UBE2F: variants seen among roughly 807,000 people sequenced by gnomAD.
The protein encoded by UBE2F is ubiquitin conjugating enzyme E2 F (putative), also known as NEDD8-conjugating enzyme UBE2F.
In UBE2F, 5 loss-of-function variants were observed where a neutral mutation model predicts 29.6. That is an observed-to-expected ratio of 0.17 (90% confidence interval 0.09 to 0.36). The LOEUF (loss-of-function observed/expected upper bound fraction) is 0.36. Among genes scored for constraint, UBE2F ranks in the 10% least tolerant of loss-of-function variants. UBE2F has a pLI of 1.00. For synonymous variants in UBE2F, 66 were observed against 81.8 expected (o/e 0.81, Z 1.04); for missense variants, 141 against 228.5 (o/e 0.62, Z 2.47).
At chr2:238,001,351 G>A (rs1179104404) in intron 4 of UBE2F, among the ~76,000 whole-genome samples, 2 of 152,100 alleles carry the variant, frequency 1.3e-5, no homozygotes, top group Middle Eastern at 3.4e-3. Flanking sequence ...TTATTAAGTT[G>A]TAAGCTTTCC....
chr2:237,986,207 T>A (rs2063479967), intron 2 of UBE2F: 1 of 376,682 alleles, frequency 2.7e-6, no homozygotes, highest in African/African-American at 2.2e-5. Context: ...TAGAGCGCAG[T>A]GGTGTGGTCC....
rs575132638 is a variant in UBE2F at position 237,967,038 on chromosome 2, C to G, written c.-111C>G. ...CACTTCCGGTCCCGCCGCCGGGAGC[C>G]GGTGCGGCTGTGAGGGGCCGCGTCT... On this transcript the variant is annotated 5_prime_UTR_variant, in exon 1 of 10. Coordinates refer to ENST00000272930, the MANE Select transcript of UBE2F (RefSeq NM_080678.3). The surrounding 1 kb of genome is among the most constrained non-coding windows in gnomAD (Gnocchi z 6.3). 5 of 1,287,316 alleles carry G rather than the reference C, an allele frequency of 3.9e-6. No individual in the cohort carries two copies. In the Admixed American group the frequency reaches 1.2e-4, roughly 32 times the overall value. 79.7% of individuals were successfully genotyped at this position (1,287,316 alleles called of 1,614,324 possible).
chr2:237,997,205 C>T (rs549629065), intron 4 of UBE2F, among the ~76,000 whole-genome samples: 32 of 151,828 alleles, frequency 2.1e-4, no homozygotes, highest in African/African-American at 7.3e-4. Context: ...CCAGCCTGAG[C>T]GACAGAGCTG....
chr2:238,004,470 G>A (rs1341466272), intron 4 of UBE2F, among the ~76,000 whole-genome samples: 2 of 151,878 alleles, frequency 1.3e-5, no homozygotes, highest in Non-Finnish European at 2.9e-5. Context: ...TTTATCAGAT[G>A]TGTTTTATAA....
At chr2:237,987,833 A>G in intron 2 of UBE2F, 130 bp from the exon 3 acceptor site, 1 of 586,476 alleles carries the variant, frequency 1.7e-6, no homozygotes, top group Non-Finnish European at 3.0e-6. Flanking sequence ...ACTTTAGACC[A>G]GGTTTTATTC....
At chr2:237,976,678 G>T (rs1402881412) in intron 2 of UBE2F, among the ~76,000 whole-genome samples, 1 of 152,156 alleles carries the variant, frequency 6.6e-6, no homozygotes, top group Non-Finnish European at 1.5e-5. Context: ...ATCCATTTAT[G>T]CGGCAGAGCC....
chr2:238,019,288 T>G (rs2106387503), intron 5 of UBE2F, among the ~76,000 whole-genome samples: 1 of 152,306 alleles, frequency 6.6e-6, no homozygotes, highest in Non-Finnish European at 1.5e-5. Context: ...CCAGAAGTAC[T>G]GAGAGCAGCT....
intron 4 of UBE2F, among the ~76,000 whole-genome samples, chr2:238,002,511 A>T (rs747585935): frequency 2.0e-5 from 3 of 151,996 alleles, no homozygotes; most frequent in Non-Finnish European, 4.4e-5. Flanking sequence ...TGCTGGGATT[A>T]CAGGCATGAG....
chr2:238,011,192 C>T (rs2064019298), intron 4 of UBE2F, among the ~76,000 whole-genome samples: 1 of 152,264 alleles, frequency 6.6e-6, no homozygotes, highest in Non-Finnish European at 1.5e-5. Flanking sequence ...ATGCAGGGGC[C>T]TGCAGGGCCC....
At chr2:238,020,699 T>C (rs1024058700) in intron 5 of UBE2F, among the ~76,000 whole-genome samples, 1 of 151,856 alleles carries the variant, frequency 6.6e-6, no homozygotes, top group Non-Finnish European at 1.5e-5. Flanking sequence ...ATTTTCTTTG[T>C]GTTTTTGTTC....
chr2:238,024,614 GAT>G, intron 5 of UBE2F, among the ~76,000 whole-genome samples: 1 of 152,132 alleles, frequency 6.6e-6, no homozygotes, highest in East Asian at 1.9e-4. Context: ...AAAGTGCTGA[GAT>G]TTTTTTCTCC....
intron 1 of UBE2F, among the ~76,000 whole-genome samples, chr2:237,970,331 C>T (rs1417823535): frequency 5.3e-5 from 8 of 152,172 alleles, no homozygotes; most frequent in African/African-American, 9.7e-5. Flanking sequence ...GCTCAAGTCA[C>T]GCCACTGCAC....
intron 9 of UBE2F, among the ~76,000 whole-genome samples, chr2:238,038,171 A>C (rs2064760357): frequency 6.6e-6 from 1 of 152,222 alleles, no homozygotes; most frequent in African/African-American, 2.4e-5. Context: ...AACAAGTGGC[A>C]GGCATGGTGG....
At chr2:238,035,654 T>C in intron 8 of UBE2F, 1 of 508,660 alleles carries the variant, frequency 2.0e-6, no homozygotes, top group Non-Finnish European at 3.5e-6. Flanking sequence ...TGTCAACATA[T>C]CTCTGACTTC....
intron 2 of UBE2F, among the ~76,000 whole-genome samples, chr2:237,984,620 C>T (rs533140114): frequency 1.3e-5 from 2 of 152,358 alleles, no homozygotes; most frequent in Admixed American, 1.3e-4. Flanking sequence ...GTCCCAAAGA[C>T]CCCAGAGCAC....
At position 238,025,353 on chromosome 2, in the gene UBE2F, G is replaced by A; in HGVS notation, c.294G>A (p.Val98=). 2 of 1,614,068 alleles carry A rather than the reference G, an allele frequency of 1.2e-6. No homozygotes were observed. The highest frequency in any genetic ancestry group is 1.7e-6 in the Non-Finnish European group (2 of 1,179,944). ...TCTCTGTGTTGCAGCCTCCCAAAGT[G>A]AAATGCCTGACCAAGATCTGGCACC... is the stretch of plus-strand genomic sequence containing the variant. ...PDAYNMVPPK[V]KCLTKIWHPN... is the part of the protein sequence containing the mutation. The change falls in exon 6 of 10, where the codon GTG becomes GTA. Residue 98 remains valine, a synonymous_variant. Transcript: ENST00000272930.
intron 2 of UBE2F, among the ~76,000 whole-genome samples, 164 bp downstream of exon 2, chr2:237,973,389 G>A (rs572874660): frequency 2.0e-5 from 3 of 152,304 alleles, no homozygotes; most frequent in Admixed American, 1.3e-4. Context: ...ATTGTACCAC[G>A]CAGGTGATAT....
chr2:238,009,001 C>CA (rs1479514162), intron 4 of UBE2F, among the ~76,000 whole-genome samples: 1 of 152,160 alleles, frequency 6.6e-6, no homozygotes, highest in Non-Finnish European at 1.5e-5. Flanking sequence ...TGAATTCTGT[C>CA]AAGTGTTGCT....
chr2:238,011,189 G>A lies in UBE2F; in HGVS notation c.215-5377G>A, dbSNP rs1013640690. ...TGAATCAGAGCCAGCTACATGCAGG[G>A]GCCTGCAGGGCCCAACACCCTTTGC... On this transcript the variant is annotated intron_variant, in intron 4 of 9. Coordinates refer to ENST00000272930, the MANE Select transcript of UBE2F (RefSeq NM_080678.3). 2.0e-5 allele frequency among the ~76,000 whole-genome samples: 3 copies of A among 152,272 alleles called. No individual in the cohort carries two copies. The East Asian group carries it at 5.8e-4, about 29-fold the overall frequency.
Sources: allele counts gnomAD v4.1 joint callset (sites outside exome capture counted in the v4.1 genomes callset), GRCh38; gene constraint gnomAD v4.1.1; non-coding constraint Gnocchi (gnomAD v3.1); transcripts MANE v1.5; gene names NCBI Gene and HGNC (gene_info 2026-07-23, HGNC 2026-07-21).